Variants in SAMD12 observed in about 807,000 individuals in gnomAD.
The protein encoded by SAMD12 is sterile alpha motif domain containing 12.
Under a neutral mutation model 15.0 loss-of-function variants are expected in SAMD12, and 9 were observed. The observed-to-expected ratio is 0.60, with a 90% CI of 0.36 to 1.05. The LOEUF (loss-of-function observed/expected upper bound fraction) is 1.05. Ranked by LOEUF, SAMD12 falls within the 50% of genes least tolerant of loss-of-function variation. SAMD12 has a pLI of 0.01. For synonymous variants in SAMD12, 86 were observed against 90.1 expected (o/e 0.96, Z 0.25); for missense variants, 230 against 234.2 (o/e 0.98, Z 0.12).
At chr8:118,559,862 C>T (rs919385709) in intron 2 of SAMD12, among the ~76,000 whole-genome samples, 1 of 152,042 alleles carries the variant, frequency 6.6e-6, no homozygotes, top group Non-Finnish European at 1.5e-5. Context: ...ATTATGTGCT[C>T]TTTGTTGACA....
intron 4 of SAMD12, among the ~76,000 whole-genome samples, chr8:118,201,670 A>C (rs944141132): frequency 1.4e-4 from 22 of 152,206 alleles, no homozygotes; most frequent in African/African-American, 5.3e-4. Flanking sequence ...TCAGTAACTA[A>C]TGTTGCATGA....
At chr8:118,561,183 A>G (rs1473049912) in intron 2 of SAMD12, among the ~76,000 whole-genome samples, 1 of 152,236 alleles carries the variant, frequency 6.6e-6, no homozygotes, top group Non-Finnish European at 1.5e-5. Context: ...GAACACATTT[A>G]ATGATTTAAT....
At chr8:118,274,441 C>T (rs537531573) in intron 4 of SAMD12, among the ~76,000 whole-genome samples, 11 of 152,140 alleles carry the variant, frequency 7.2e-5, no homozygotes, top group African/African-American at 1.7e-4. Context: ...TTATACATTA[C>T]GAAATGACAG....
chr8:118,311,634 A>G (rs375308740), intron 4 of SAMD12, among the ~76,000 whole-genome samples: 2 of 152,238 alleles, frequency 1.3e-5, no homozygotes, highest in Admixed American at 6.5e-5. Context: ...CTTGGAGTCT[A>G]TGTAGTGGCC....
chr8:118,436,495 C>T (rs1423110238), intron 3 of SAMD12, among the ~76,000 whole-genome samples: 1 of 151,816 alleles, frequency 6.6e-6, no homozygotes, highest in Non-Finnish European at 1.5e-5. Flanking sequence ...TTTTATTTAC[C>T]GTCACTGGAC....
intron 2 of SAMD12, among the ~76,000 whole-genome samples, chr8:118,530,385 A>G (rs981112427): frequency 2.0e-5 from 3 of 152,170 alleles, no homozygotes; most frequent in Admixed American, 1.3e-4. Context: ...TCCACCCTCA[A>G]GTCGGCCCCA....
chr8:118,162,679 TA>T, the SAMD12 span, among the ~76,000 whole-genome samples: 1 of 152,166 alleles, frequency 6.6e-6, no homozygotes, highest in Non-Finnish European at 1.5e-5. Context: ...TGAATTGCTG[TA>T]AACAGATGAG....
At chr8:118,552,432 G>A (rs1217124831) in intron 2 of SAMD12, among the ~76,000 whole-genome samples, 2 of 152,112 alleles carry the variant, frequency 1.3e-5, no homozygotes, top group Non-Finnish European at 2.9e-5. Flanking sequence ...AAAACCACAT[G>A]GTTATCTCAA....
intron 2 of SAMD12, among the ~76,000 whole-genome samples, chr8:118,541,771 T>C (rs959764116): frequency 6.6e-6 from 1 of 152,224 alleles, no homozygotes; most frequent in African/African-American, 2.4e-5. Context: ...TTTCAGTAAC[T>C]GACAAACAAA....
chr8:118,288,391 T>C (rs1037619566), intron 4 of SAMD12: 3 of 152,110 alleles, frequency 2.0e-5, no homozygotes, highest in African/African-American at 7.2e-5. Context: ...AAAAGTCAGA[T>C]TTTTTCAAAA....
intron 2 of SAMD12, among the ~76,000 whole-genome samples, chr8:118,548,924 G>C (rs545126476): frequency 4.4e-4 from 67 of 152,368 alleles, no homozygotes; most frequent in African/African-American, 1.6e-3. Context: ...CTCCCTGATT[G>C]CTAGCACAGC....
chr8:118,289,153 A>G (rs1814221181), intron 4 of SAMD12, among the ~76,000 whole-genome samples: 1 of 152,222 alleles, frequency 6.6e-6, no homozygotes, highest in Non-Finnish European at 1.5e-5. Context: ...CAAGACAGTC[A>G]TCTCAGCAGT....
the SAMD12 span, among the ~76,000 whole-genome samples, chr8:118,140,396 T>C: frequency 2.6e-5 from 4 of 152,008 alleles, no homozygotes; most frequent in Non-Finnish European, 5.9e-5. Context: ...CTCAGTCTCC[T>C]GAGCAACCGG....
At chr8:118,524,436 C>A (rs187658508) in intron 2 of SAMD12, among the ~76,000 whole-genome samples, 3 of 152,276 alleles carry the variant, frequency 2.0e-5, no homozygotes, top group African/African-American at 7.2e-5. Flanking sequence ...TTCTTTCTCA[C>A]CTCCCTGATT....
the SAMD12 span, among the ~76,000 whole-genome samples, chr8:118,178,111 T>G: frequency 6.7e-4 from 94 of 140,316 alleles, no homozygotes; most frequent in African/African-American, 2.3e-3. Context: ...TATTTTCTTA[T>G]GTTTTTCTTA....
At chr8:118,544,571 A>T (rs1402056391) in intron 2 of SAMD12, among the ~76,000 whole-genome samples, 2 of 152,216 alleles carry the variant, frequency 1.3e-5, no homozygotes, top group Non-Finnish European at 2.9e-5. Flanking sequence ...ATTTCACCCC[A>T]GGTCACATTC....
chr8:118,204,987 T>C (rs1052504081), intron 4 of SAMD12, among the ~76,000 whole-genome samples: 1 of 152,200 alleles, frequency 6.6e-6, no homozygotes, highest in Non-Finnish European at 1.5e-5. Context: ...TTATTCTGGG[T>C]TTGTCTATAA....
chr8:118,431,719 T>C (rs28880004), intron 3 of SAMD12, among the ~76,000 whole-genome samples: 12 of 124,922 alleles, frequency 9.6e-5, no homozygotes, highest in East Asian at 4.9e-4. Flanking sequence ...TGTGTGTGTG[T>C]GTGTGTGTGT....
At chr8:118,260,532 T>C (rs1380888143) in intron 4 of SAMD12, among the ~76,000 whole-genome samples, 4 of 152,098 alleles carry the variant, frequency 2.6e-5, no homozygotes. Context: ...TTCCCTTTGC[T>C]CTTTCCAGTT....
Sources: allele counts gnomAD v4.1 joint callset (sites outside exome capture counted in the v4.1 genomes callset), GRCh38; gene constraint gnomAD v4.1.1; transcripts MANE v1.5; gene names NCBI Gene and HGNC (gene_info 2026-07-23, HGNC 2026-07-21).